Variants in GRHL2 observed in about 807,000 individuals in gnomAD.
GRHL2 encodes the protein grainyhead like transcription factor 2, also known as grainyhead-like protein 2 homolog.
Under a neutral mutation model 83.8 loss-of-function variants are expected in GRHL2, and 21 were observed. The ratio of observed to expected loss-of-function variants is 0.25; its 90% CI spans 0.18 to 0.36. GRHL2 has a LOEUF of 0.36. Ranked by LOEUF, GRHL2 falls within the 10% of genes least tolerant of loss-of-function variation. The probability of loss-of-function intolerance (pLI) is 1.00; values close to 1 mark genes in which losing one functional copy is unlikely to be tolerated. For synonymous variants in GRHL2, 280 were observed against 278.9 expected (o/e 1.00, Z -0.04); for missense variants, 623 against 781.8 (o/e 0.80, Z 2.42).
chr8:101,585,943 G>A (rs958560683), intron 7 of GRHL2, among the ~76,000 whole-genome samples: 1 of 152,014 alleles, frequency 6.6e-6, no homozygotes, highest in East Asian at 1.9e-4. Flanking sequence ...GGTGGTCCTC[G>A]GGCTCCCTCT....
At chr8:101,660,152 T>TATTA (rs1476605955) in intron 14 of GRHL2, among the ~76,000 whole-genome samples, 1 of 152,272 alleles carries the variant, frequency 6.6e-6, no homozygotes, top group Non-Finnish European at 1.5e-5. Flanking sequence ...AAGCAAAAGT[T>TATTA]ATTACATCTG....
chr8:101,608,735 T>TCTCTCACACACACACA (rs1326292897), intron 8 of GRHL2, among the ~76,000 whole-genome samples: 2 of 144,776 alleles, frequency 1.4e-5, no homozygotes, highest in African/African-American at 5.3e-5. Context: ...GCTCACTCTC[T>TCTCTCACACACACACA]CACACACACA....
At chr8:101,566,588 A>T (rs1563583899) in intron 4 of GRHL2, among the ~76,000 whole-genome samples, 1 of 147,906 alleles carries the variant, frequency 6.8e-6, no homozygotes, top group African/African-American at 2.5e-5. Context: ...AAATATAATA[A>T]TATTATTATA....
intron 1 of GRHL2, among the ~76,000 whole-genome samples, chr8:101,504,751 A>G (rs920000284): frequency 6.6e-6 from 1 of 152,012 alleles, no homozygotes; most frequent in African/African-American, 2.4e-5. Context: ...AAGCTGGTGC[A>G]TAGATCATGC....
chr8:101,644,309 C>A, intron 13 of GRHL2, 84 bp downstream of exon 13: 1 of 1,056,826 alleles, frequency 9.5e-7, no homozygotes, highest in Non-Finnish European at 1.4e-6. Flanking sequence ...CTTGCCCAGG[C>A]CCCCATGGCT....
intron 2 of GRHL2, among the ~76,000 whole-genome samples, chr8:101,544,362 T>C (rs577589759): frequency 4.1e-4 from 63 of 152,344 alleles, no homozygotes; most frequent in Admixed American, 1.2e-3. Context: ...TAGTAAATTT[T>C]TATTTTGAAA....
intron 12 of GRHL2, among the ~76,000 whole-genome samples, chr8:101,639,959 A>C (rs114856488): frequency 6.6e-6 from 1 of 152,240 alleles, no homozygotes. Context: ...CAGACTGAGG[A>C]TATAACACAC....
chr8:101,494,259 G>A (rs1489252749), intron 1 of GRHL2, among the ~76,000 whole-genome samples: 2 of 152,204 alleles, frequency 1.3e-5, no homozygotes, highest in African/African-American at 4.8e-5. Flanking sequence ...CCTGTTCAGG[G>A]GTGGAGGGGA....
At chr8:101,541,485 G>A (rs1811153193) in intron 1 of GRHL2, among the ~76,000 whole-genome samples, 1 of 151,712 alleles carries the variant, frequency 6.6e-6, no homozygotes. Flanking sequence ...AACATATGTT[G>A]GTTCTTGGCA....
At chr8:101,640,293 C>A (rs1400170918) in intron 12 of GRHL2, among the ~76,000 whole-genome samples, 1 of 152,070 alleles carries the variant, frequency 6.6e-6, no homozygotes, top group Non-Finnish European at 1.5e-5. Flanking sequence ...ATAGAATGTC[C>A]TGACACACAG....
intron 14 of GRHL2, among the ~76,000 whole-genome samples, chr8:101,663,369 T>C (rs959740403): frequency 6.6e-6 from 1 of 152,056 alleles, no homozygotes; most frequent in Non-Finnish European, 1.5e-5. Flanking sequence ...ATCCCAGGAC[T>C]TTGGGAGGCC....
At chr8:101,508,810 G>T (rs1412529220) in intron 1 of GRHL2, among the ~76,000 whole-genome samples, 1 of 152,110 alleles carries the variant, frequency 6.6e-6, no homozygotes, top group East Asian at 1.9e-4. Context: ...ACAAAGCTGG[G>T]CACCAAGCTA....
rs116067407 is a variant in GRHL2, at chr8:101,500,659, C to T, written c.20+7870C>T. On this transcript the variant is annotated intron_variant, in intron 1 of 15. Coordinates refer to ENST00000646743, the MANE Select transcript of GRHL2 (RefSeq NM_024915.4). Reference sequence around the variant, plus strand: ...GAGTAGCTGGGACTATAGGTGTGCGCCACTATGCCCGGCTAATTTTTTGGT... The same window carrying T: ...GAGTAGCTGGGACTATAGGTGTGCGTCACTATGCCCGGCTAATTTTTTGGT... 8.0e-3 allele frequency among the ~76,000 whole-genome samples: 1,214 copies of T among 152,194 alleles called. 9 individuals are homozygous for T. Among genetic ancestry groups the T allele is most frequent in the African/African-American group, 0.028 (1,152 of 41,512 alleles).
At position 101,586,497 on chromosome 8, in the gene GRHL2, T is replaced by G. The variant is rs945560193; in HGVS notation, c.1003+8978T>G. 3.3e-5 allele frequency among the ~76,000 whole-genome samples: 5 copies of G among 152,228 alleles called. No homozygotes were observed. The East Asian group carries it at 9.6e-4, about 29-fold the overall frequency. The stretch of plus-strand genomic sequence containing the variant: ...CCCTGTCCCCACTTGGGTAAGATCT[T>G]CTTAATCTTCCCAGGTAGAGTCCAC... On this transcript the variant is annotated intron_variant, in intron 7 of 15. Coordinates refer to ENST00000646743, the MANE Select transcript of GRHL2 (RefSeq NM_024915.4).
At chr8:101,518,686 T>C (rs1810621260) in intron 1 of GRHL2, among the ~76,000 whole-genome samples, 1 of 152,184 alleles carries the variant, frequency 6.6e-6, no homozygotes, top group South Asian at 2.1e-4. Flanking sequence ...TCCAAGTCAA[T>C]GAGTTAGCTC....
At chr8:101,570,026 G>C (rs1485476171) in intron 4 of GRHL2, among the ~76,000 whole-genome samples, 1 of 152,164 alleles carries the variant, frequency 6.6e-6, no homozygotes, top group Non-Finnish European at 1.5e-5. Flanking sequence ...ATAAGTGTTG[G>C]AGACAATAGC....
In GRHL2 at chr8:101,526,525, C is replaced by CT. The variant is rs33928032; in HGVS notation, c.21-16695dup. On this transcript the variant is annotated intron_variant, in intron 1 of 15. Transcript: ENST00000646743. ...AGTTTCCAAAAATTTTCTTTTTTTCCTTTTTTTTTTTTTTTTTTTTTGCTT... is the reference window on the plus strand; with the variant it reads ...AGTTTCCAAAAATTTTCTTTTTTTCCTTTTTTTTTTTTTTTTTTTTTTGCTT... Among the ~76,000 whole-genome samples the CT allele has an allele frequency of 6.3e-3, 688 of 109,626 alleles. 3 individuals carry two copies. The highest frequency in any genetic ancestry group is 8.8e-3 in the Non-Finnish European group (498 of 56,488). The allele number at this position is 109,626 out of a possible 152,430, so 71.9% of individuals were successfully genotyped here. A position where few individuals can be genotyped will look rare whatever the true frequency, so the allele number is the denominator to read the frequency against.
At chr8:101,617,311 T>C (rs900891295) in intron 8 of GRHL2, among the ~76,000 whole-genome samples, 10 of 152,092 alleles carry the variant, frequency 6.6e-5, no homozygotes, top group Admixed American at 2.6e-4. Context: ...TCTGGCCTGA[T>C]TGGTGTGGAT....
At chr8:101,536,427 G>A (rs1030682033) in intron 1 of GRHL2, among the ~76,000 whole-genome samples, 6 of 152,216 alleles carry the variant, frequency 3.9e-5, no homozygotes, top group African/African-American at 1.4e-4. Context: ...TAGCTAGCAT[G>A]TATGCAGCTT....
Sources: allele counts gnomAD v4.1 joint callset (sites outside exome capture counted in the v4.1 genomes callset), GRCh38; gene constraint gnomAD v4.1.1; transcripts MANE v1.5; gene names NCBI Gene and HGNC (gene_info 2026-07-23, HGNC 2026-07-21).